NTNG1: variants seen among roughly 807,000 people sequenced by gnomAD.
NTNG1 encodes the protein netrin-G1.
In NTNG1, 16 loss-of-function variants were observed where a neutral mutation model predicts 54.0. The observed-to-expected ratio is 0.30, with a 90% CI of 0.20 to 0.45. The LOEUF (loss-of-function observed/expected upper bound fraction) is 0.45. Among genes scored for constraint, NTNG1 ranks in the 20% least tolerant of loss-of-function variants. The pLI is 1.00. For synonymous variants in NTNG1, 255 were observed against 263.1 expected (o/e 0.97, Z 0.30); for missense variants, 530 against 678.7 (o/e 0.78, Z 2.43).
rs1269392665 is a variant in NTNG1 at position 107,335,359 on chromosome 1, A to T, written c.887+10437A>T. Among the ~76,000 whole-genome samples the T allele has an allele frequency of 3.3e-5, 5 of 152,038 alleles. No homozygotes were observed. In the South Asian group the frequency reaches 1.0e-3, roughly 31 times the overall value. The stretch of plus-strand genomic sequence containing the variant: ...TTAAAAACCTTACAACTTGTAAATG[A>T]TGCCTTTACATATTGATAGGTTCAA... On this transcript the variant is annotated intron_variant, in intron 3 of 7. Transcript: ENST00000370068.
In NTNG1 at chr1:107,448,588, G is replaced by A. The variant is rs1004533273; in HGVS notation, c.1390+11789G>A. 5.9e-5 allele frequency among the ~76,000 whole-genome samples: 9 copies of A among 152,184 alleles called. 2 individuals carry two copies. The highest frequency in any genetic ancestry group is 5.9e-4 in the Admixed American group (9 of 15,266). ...GCACAGTGAAGTTTGAGAAGCAGAG[G>A]ACTGGATAACAAATGAAGGTTTTAA... On this transcript the variant is annotated intron_variant, in intron 7 of 7. Transcript: ENST00000370068.
chr1:107,242,215 T>A lies in NTNG1; in HGVS notation c.247-82067T>A, dbSNP rs963268876. The stretch of plus-strand genomic sequence containing the variant: ...GGGTCAGAGGAGTGGTTGGGGAGGC[T>A]TGAGGTGAGAGAATCCTTTGAGCCC... On this transcript the variant is annotated intron_variant, in intron 2 of 7. Coordinates refer to ENST00000370068, the MANE Select transcript of NTNG1 (RefSeq NM_001113226.3). Among the ~76,000 whole-genome samples, 60 of 152,176 alleles carry A rather than the reference T, an allele frequency of 3.9e-4. 1 individual carries two copies. Among genetic ancestry groups the A allele is most frequent in the African/African-American group, 1.4e-3 (59 of 41,530 alleles).
intron 2 of NTNG1, among the ~76,000 whole-genome samples, chr1:107,175,908 C>T (rs957303035): frequency 6.6e-6 from 1 of 152,106 alleles, no homozygotes; most frequent in Non-Finnish European, 1.5e-5. Flanking sequence ...TGCATAGGAT[C>T]ATAAGTAGTT....
At chr1:107,282,810 A>G (rs993085974) in intron 2 of NTNG1, among the ~76,000 whole-genome samples, 1 of 152,128 alleles carries the variant, frequency 6.6e-6, no homozygotes, top group Non-Finnish European at 1.5e-5. Flanking sequence ...AAATACCCTC[A>G]GGTAGGTAGC....
At chr1:107,420,765 C>T (rs1166971948) in intron 5 of NTNG1, among the ~76,000 whole-genome samples, 1 of 151,996 alleles carries the variant, frequency 6.6e-6, no homozygotes, top group East Asian at 1.9e-4. Context: ...ACAACTCCTA[C>T]TTTAAAAGAT....
intron 2 of NTNG1, among the ~76,000 whole-genome samples, chr1:107,217,670 G>T (rs1570882233): frequency 1.3e-5 from 2 of 152,114 alleles, no homozygotes; most frequent in East Asian, 3.8e-4. Context: ...TCATTTCAAA[G>T]AATCTTTTAG....
chr1:107,309,333 G>A (rs1666868537), intron 2 of NTNG1, among the ~76,000 whole-genome samples: 1 of 152,142 alleles, frequency 6.6e-6, no homozygotes, highest in Admixed American at 6.6e-5. Context: ...AATAAAGAGA[G>A]AAGTCAAAGA....
At chr1:107,448,687 G>A (rs2101469432) in intron 7 of NTNG1, among the ~76,000 whole-genome samples, 1 of 152,142 alleles carries the variant, frequency 6.6e-6, no homozygotes, top group East Asian at 1.9e-4. Flanking sequence ...AAATAATGGT[G>A]GCTGGGAAGT....
intron 2 of NTNG1, among the ~76,000 whole-genome samples, chr1:107,154,586 A>C (rs1654821148): frequency 1.7e-5 from 2 of 114,424 alleles, no homozygotes; most frequent in African/African-American, 3.5e-5. Flanking sequence ...ACAAAGCAAG[A>C]CCCTGTCTCA....
chr1:107,226,218 C>T (rs1660667890), intron 2 of NTNG1, among the ~76,000 whole-genome samples: 1 of 152,078 alleles, frequency 6.6e-6, no homozygotes, highest in African/African-American at 2.4e-5. Flanking sequence ...ACAGAACCCC[C>T]ATGATGTCCC....
chr1:107,230,902 A>T (rs1661024438), intron 2 of NTNG1, among the ~76,000 whole-genome samples: 1 of 152,154 alleles, frequency 6.6e-6, no homozygotes, highest in South Asian at 2.1e-4. Context: ...TTTTCTTTGT[A>T]CCACGTGAAG....
At chr1:107,329,458 C>G (rs74110611) in intron 3 of NTNG1, among the ~76,000 whole-genome samples, 1 of 152,094 alleles carries the variant, frequency 6.6e-6, no homozygotes, top group Non-Finnish European at 1.5e-5. Context: ...ATGGTTAGTG[C>G]GAAAGATGTG....
chr1:107,318,559 G>A (rs1303544794), intron 2 of NTNG1, among the ~76,000 whole-genome samples: 1 of 151,816 alleles, frequency 6.6e-6, no homozygotes, highest in Non-Finnish European at 1.5e-5. Context: ...AGAAATTTGT[G>A]CCGGTTTTGC....
chr1:107,160,353 G>T (rs867899684), intron 2 of NTNG1, among the ~76,000 whole-genome samples: 11 of 151,868 alleles, frequency 7.2e-5, no homozygotes, highest in Non-Finnish European at 1.2e-4. Flanking sequence ...TAGCAAAATC[G>T]TCAAGATATA....
intron 2 of NTNG1, among the ~76,000 whole-genome samples, chr1:107,272,237 A>C (rs564119935): frequency 6.6e-6 from 1 of 152,310 alleles, no homozygotes; most frequent in South Asian, 2.1e-4. Context: ...ATATTCTTAA[A>C]GGGTCTAAAA....
In NTNG1 at chr1:107,470,798, T is replaced by G. The variant is rs184207532; in HGVS notation, c.1391-9813T>G. Among the ~76,000 whole-genome samples the G allele has an allele frequency of 2.0e-3, 301 of 152,334 alleles. 1 individual carries two copies. The highest frequency in any genetic ancestry group is 7.1e-3 in the African/African-American group (296 of 41,580). Reference sequence around the variant, plus strand: ...TTGTCTGTGTCTGTGTCTGAAGGTGTTGACCTAAATAGGATTTCAATACAT... The same window carrying G: ...TTGTCTGTGTCTGTGTCTGAAGGTGGTGACCTAAATAGGATTTCAATACAT... On this transcript the variant is annotated intron_variant, in intron 7 of 7. Transcript: ENST00000370068.
chr1:107,374,311 A>G (rs1671097856), intron 3 of NTNG1, among the ~76,000 whole-genome samples: 1 of 152,162 alleles, frequency 6.6e-6, no homozygotes. Context: ...ATTTATTCAA[A>G]TATTTATTTG....
At chr1:107,450,370 C>T (rs1676551263) in intron 7 of NTNG1, among the ~76,000 whole-genome samples, 1 of 151,974 alleles carries the variant, frequency 6.6e-6, no homozygotes, top group Admixed American at 6.6e-5. Flanking sequence ...CATCACTATC[C>T]ATGAGAATTA....
intron 7 of NTNG1, among the ~76,000 whole-genome samples, chr1:107,470,726 C>A (rs1677926635): frequency 1.3e-5 from 2 of 152,154 alleles, no homozygotes; most frequent in African/African-American, 4.8e-5. Flanking sequence ...TTTTCTGATA[C>A]CTGATGAGAA....
Sources: gnomAD v4.1 joint callset for allele counts (sites outside exome capture counted in the v4.1 genomes callset) on GRCh38, gnomAD v4.1.1 for gene constraint, MANE v1.5 for transcripts, NCBI Gene and HGNC (gene_info 2026-07-23, HGNC 2026-07-21) for gene names.